IP6K1: variants seen among roughly 807,000 people sequenced by gnomAD.
IP6K1 encodes the protein inositol hexakisphosphate kinase 1, also known as ATP:1D-myo-inositol-hexakisphosphate phosphotransferase.
In IP6K1, 13 loss-of-function variants were observed where a neutral mutation model predicts 38.3. The ratio of observed to expected loss-of-function variants is 0.34; its 90% CI spans 0.22 to 0.54. The LOEUF is 0.54. Ranked by LOEUF, IP6K1 falls within the 20% of genes least tolerant of loss-of-function variation. The probability of loss-of-function intolerance (pLI) is 0.92; values close to 1 mark genes in which losing one functional copy is unlikely to be tolerated. For missense variants in IP6K1, 397 were observed against 599.8 expected, an observed-to-expected ratio of 0.66 and a Z score of 3.53; for synonymous variants, 212 against 229.9, an observed-to-expected ratio of 0.92 and a Z score of 0.70.
At chr3:49,744,651 C>T (rs1023320348) in intron 2 of IP6K1, among the ~76,000 whole-genome samples, 1 of 152,146 alleles carries the variant, frequency 6.6e-6, no homozygotes, top group Non-Finnish European at 1.5e-5. Flanking sequence ...AACTCAGGAA[C>T]CAACCATTTC....
chr3:49,768,458 T>C (rs1053731384), intron 1 of IP6K1, among the ~76,000 whole-genome samples: 2 of 152,154 alleles, frequency 1.3e-5, no homozygotes, highest in Admixed American at 6.6e-5. Flanking sequence ...AATTATATAA[T>C]TATAATTCCA....
chr3:49,731,887 C>CAAAAAGAAAAAAAAAAAAAAA (rs2080565058), intron 4 of IP6K1, among the ~76,000 whole-genome samples: 1 of 65,342 alleles, frequency 1.5e-5, no homozygotes, highest in Non-Finnish European at 2.9e-5. Flanking sequence ...GACTCTGTCT[C>CAAAAAGAAAAAAAAAAAAAAA]AAAAAAAAAA....
At chr3:49,753,231 C>CAT (rs1484116976) in intron 1 of IP6K1, among the ~76,000 whole-genome samples, 3 of 152,156 alleles carry the variant, frequency 2.0e-5, no homozygotes, top group South Asian at 2.1e-4. Context: ...ACACATCAGG[C>CAT]ATATATATAT....
At chr3:49,749,802 A>G (rs892801350) in intron 1 of IP6K1, among the ~76,000 whole-genome samples, 2 of 149,682 alleles carry the variant, frequency 1.3e-5, no homozygotes, top group African/African-American at 4.9e-5. Flanking sequence ...CAGTCCCCAG[A>G]TTGCACTATT....
chr3:49,749,371 TA>T (rs544201971), intron 1 of IP6K1, among the ~76,000 whole-genome samples: 299 of 152,360 alleles, frequency 2.0e-3, no homozygotes, highest in Non-Finnish European at 3.5e-3. Context: ...TCCCTCTTTA[TA>T]ATGTCAATTT....
chr3:49,744,081 A>G (rs1325367122), intron 2 of IP6K1, among the ~76,000 whole-genome samples: 3 of 151,816 alleles, frequency 2.0e-5, no homozygotes, highest in Non-Finnish European at 2.9e-5. Flanking sequence ...TATTCCCATC[A>G]TTCCTTCTAT....
chr3:49,765,701 CTCTT>C (rs2080905632), intron 1 of IP6K1, among the ~76,000 whole-genome samples: 1 of 149,422 alleles, frequency 6.7e-6, no homozygotes, highest in Non-Finnish European at 1.5e-5. Context: ...TATCATTTAT[CTCTT>C]TTTCATATAC....
intron 1 of IP6K1, among the ~76,000 whole-genome samples, chr3:49,755,685 A>G (rs946082651): frequency 1.3e-5 from 2 of 152,200 alleles, no homozygotes; most frequent in Non-Finnish European, 2.9e-5. Context: ...TATGAAAACT[A>G]ATTTCTAATT....
intron 4 of IP6K1, among the ~76,000 whole-genome samples, chr3:49,732,314 T>G (rs1374397458): frequency 6.6e-6 from 1 of 152,152 alleles, no homozygotes; most frequent in Non-Finnish European, 1.5e-5. Context: ...TTTAAACTAT[T>G]AATCCCTTGG....
intron 3 of IP6K1, among the ~76,000 whole-genome samples, chr3:49,736,544 C>T (rs982254544): frequency 2.0e-5 from 3 of 152,002 alleles, no homozygotes; most frequent in Non-Finnish European, 4.4e-5. Flanking sequence ...GTAGCATGTA[C>T]CAGCACTCCA....
chr3:49,772,230 T>C (rs1032517692), intron 1 of IP6K1, among the ~76,000 whole-genome samples: 8 of 147,000 alleles, frequency 5.4e-5, no homozygotes, highest in Non-Finnish European at 1.0e-4. Context: ...AAAAAATATA[T>C]ATATATATAT....
intron 1 of IP6K1, among the ~76,000 whole-genome samples, chr3:49,773,309 A>C (rs2080975542): frequency 6.6e-6 from 1 of 152,176 alleles, no homozygotes; most frequent in African/African-American, 2.4e-5. Context: ...CCTGCAAAAT[A>C]TGTAAGATAG....
At chr3:49,728,439 C>T in intron 4 of IP6K1, 161 bp from the exon 5 acceptor site, 1 of 619,860 alleles carries the variant, frequency 1.6e-6, no homozygotes, top group South Asian at 2.3e-5. Flanking sequence ...ATTACTTAAC[C>T]AATAAAAACT....
chr3:49,777,590 TACC>T (rs1267990344), intron 1 of IP6K1, among the ~76,000 whole-genome samples: 5 of 146,940 alleles, frequency 3.4e-5, no homozygotes, highest in Non-Finnish European at 7.5e-5. Context: ...AGAAAAATTA[TACC>T]ACAATAAAGT....
chr3:49,757,178 A>G (rs1484537399), intron 1 of IP6K1, among the ~76,000 whole-genome samples: 2 of 152,222 alleles, frequency 1.3e-5, no homozygotes, highest in Non-Finnish European at 2.9e-5. Flanking sequence ...AGCTGAAGAG[A>G]GAAGCTTCCA....
At chr3:49,768,329 T>C (rs1559713637) in intron 1 of IP6K1, among the ~76,000 whole-genome samples, 1 of 152,210 alleles carries the variant, frequency 6.6e-6, no homozygotes, top group African/African-American at 2.4e-5. Flanking sequence ...ATGCGGTATA[T>C]ACATACAGTG....
At chr3:49,754,962 G>A (rs552993833) in intron 1 of IP6K1, among the ~76,000 whole-genome samples, 15 of 142,028 alleles carry the variant, frequency 1.1e-4, no homozygotes, top group Non-Finnish European at 1.7e-4. Flanking sequence ...TCACACTGTT[G>A]TCCAGACTAG....
chr3:49,764,096 A>G (rs2080888576), intron 1 of IP6K1, among the ~76,000 whole-genome samples: 1 of 152,026 alleles, frequency 6.6e-6, no homozygotes, highest in Non-Finnish European at 1.5e-5. Context: ...TGAAAACCCT[A>G]TAGCTACTGG....
chr3:49,747,694 G>A, intron 2 of IP6K1, 124 bp downstream of exon 2: 2 of 1,255,820 alleles, frequency 1.6e-6, no homozygotes, highest in East Asian at 5.1e-5. Flanking sequence ...CTAACAAAGT[G>A]ACTTCGTGCT....
Sources: gnomAD v4.1 joint callset for allele counts (sites outside exome capture counted in the v4.1 genomes callset) on GRCh38, gnomAD v4.1.1 for gene constraint, MANE v1.5 for transcripts, NCBI Gene and HGNC (gene_info 2026-07-23, HGNC 2026-07-21) for gene names.